RFX4: variants seen among roughly 807,000 people sequenced by gnomAD.
RFX4 encodes transcription factor RFX4.
Under a neutral mutation model 95.0 loss-of-function variants are expected in RFX4, and 10 were observed. The ratio of observed to expected loss-of-function variants is 0.11; its 90% CI spans 0.06 to 0.18. RFX4 has a LOEUF of 0.18. Ranked by LOEUF, RFX4 falls within the 10% of genes least tolerant of loss-of-function variation. The pLI is 1.00. For missense variants in RFX4, 640 were observed against 922.0 expected, an observed-to-expected ratio of 0.69 and a Z score of 3.96; for synonymous variants, 321 against 340.7, an observed-to-expected ratio of 0.94 and a Z score of 0.64.
intron 8 of RFX4, among the ~76,000 whole-genome samples, chr12:106,707,825 C>T (rs2042115192): frequency 6.6e-6 from 1 of 152,112 alleles, no homozygotes; most frequent in South Asian, 2.1e-4. Flanking sequence ...GTGAGACATT[C>T]TTAAATGCAT....
intron 16 of RFX4, among the ~76,000 whole-genome samples, chr12:106,750,060 T>C (rs1257197206): frequency 6.6e-6 from 1 of 152,180 alleles, no homozygotes; most frequent in Admixed American, 6.5e-5. Flanking sequence ...CAGGGCTAGA[T>C]TTCATCCCTG....
intron 11 of RFX4, among the ~76,000 whole-genome samples, chr12:106,717,983 C>T (rs1226775182): frequency 1.3e-5 from 2 of 152,218 alleles, no homozygotes; most frequent in African/African-American, 4.8e-5. Context: ...GTTACCATCA[C>T]CTCTGTGATA....
intron 8 of RFX4, among the ~76,000 whole-genome samples, chr12:106,704,845 G>A (rs187968299): frequency 2.2e-4 from 33 of 152,122 alleles, no homozygotes; most frequent in South Asian, 4.2e-4. Context: ...GTGTGTGCGC[G>A]TGTGTGTGTC....
chr12:106,590,811 G>A (rs570937704), intron 1 of RFX4, among the ~76,000 whole-genome samples: 3 of 152,208 alleles, frequency 2.0e-5, no homozygotes, highest in African/African-American at 7.2e-5. Flanking sequence ...GACGGACATG[G>A]TGGTGCATGC....
intron 4 of RFX4, among the ~76,000 whole-genome samples, chr12:106,667,586 T>G (rs2041202283): frequency 6.6e-6 from 1 of 152,142 alleles, no homozygotes. Context: ...CCTTCACAAC[T>G]TGTCAATTAC....
intron 4 of RFX4, among the ~76,000 whole-genome samples, chr12:106,661,481 C>T (rs560884613): frequency 1.3e-5 from 2 of 152,342 alleles, no homozygotes; most frequent in Non-Finnish European, 2.9e-5. Flanking sequence ...CAGCCTCCCC[C>T]ATTAACAACA....
chr12:106,602,175 G>A (rs2039725310), intron 1 of RFX4, among the ~76,000 whole-genome samples: 1 of 152,184 alleles, frequency 6.6e-6, no homozygotes, highest in African/African-American at 2.4e-5. Flanking sequence ...GCAAATCAAA[G>A]TTAGTCAAGT....
At chr12:106,621,791 T>A (rs755940626) in intron 2 of RFX4, among the ~76,000 whole-genome samples, 12 of 152,152 alleles carry the variant, frequency 7.9e-5, no homozygotes, top group Non-Finnish European at 1.5e-4. Flanking sequence ...AGTGTAGCAA[T>A]TTGGAAAGAT....
chr12:106,683,862 T>A (rs1283953433), intron 5 of RFX4: 1 of 152,188 alleles, frequency 6.6e-6, no homozygotes, highest in Non-Finnish European at 1.5e-5. Context: ...TTTTGTTTTG[T>A]TTGTTTTTCT....
intron 1 of RFX4, among the ~76,000 whole-genome samples, chr12:106,599,498 ATGATGATGAT>A (rs2039668921): frequency 6.6e-6 from 1 of 151,928 alleles, no homozygotes; most frequent in Non-Finnish European, 1.5e-5. Context: ...GATGATGATG[ATGATGATGAT>A]GAAGGTGATG....
At chr12:106,597,940 T>C (rs180964085) in intron 1 of RFX4, among the ~76,000 whole-genome samples, 27 of 152,270 alleles carry the variant, frequency 1.8e-4, no homozygotes, top group Non-Finnish European at 3.2e-4. Flanking sequence ...AAACAAACTA[T>C]TGGGATTACG....
chr12:106,598,614 T>G (rs1429945413), intron 1 of RFX4, among the ~76,000 whole-genome samples: 7 of 152,202 alleles, frequency 4.6e-5, no homozygotes, highest in Non-Finnish European at 1.0e-4. Flanking sequence ...GAAGGGTGTT[T>G]TGGTGGCTTA....
intron 2 of RFX4, among the ~76,000 whole-genome samples, chr12:106,625,906 T>C (rs2040287916): frequency 1.3e-5 from 2 of 152,234 alleles, no homozygotes; most frequent in Admixed American, 1.3e-4. Flanking sequence ...TCATAGCAAG[T>C]AAGTGGTAGA....
At chr12:106,603,432 G>A (rs2039754990) in intron 1 of RFX4, among the ~76,000 whole-genome samples, 1 of 152,212 alleles carries the variant, frequency 6.6e-6, no homozygotes, top group African/African-American at 2.4e-5. Context: ...GAGGCATAAA[G>A]ATCTTCCTCT....
In RFX4 at chr12:106,595,412, T is replaced by G. The variant is rs146344511; in HGVS notation, c.43+12049T>G. On this transcript the variant is annotated intron_variant, in intron 1 of 17. Transcript: ENST00000392842. ...CAGCTCACACTGCCATTCTTTGGAG[T>G]GTACTGTCGTGGGTGTCAGTGGGCG... Among the ~76,000 whole-genome samples the G allele has an allele frequency of 5.7e-3, 862 of 152,242 alleles. 4 individuals are homozygous for G. Among genetic ancestry groups the G allele is most frequent in the African/African-American group, 0.02 (837 of 41,534 alleles).
At position 106,732,998 on chromosome 12, in the gene RFX4, G is replaced by C. The variant is rs1174265360; in HGVS notation, c.1546G>C (p.Ala516Pro). The C allele has an allele frequency of 1.9e-6, 3 of 1,614,156 alleles. No homozygotes were observed. Among genetic ancestry groups the C allele is most frequent in the South Asian group, 1.1e-5 (1 of 91,078 alleles). ...TPSPVPSFSP[A>P]KSATSVEVPP... ...TTCACCAGTGCCATCGTTTTCTCCA[G>C]CAAAATCTGCCACATCTGTGGAAGT... Residue 516 changes from alanine to proline, a missense_variant, in exon 15 of 18, where the codon GCA becomes CCA. Physicochemically the swap from Ala to Pro is conservative, Grantham distance 27. Around this residue, in one of 7 missense-constraint regions of RFX4, gnomAD observed 300 missense variants for 346.8 expected, o/e 0.87. Coordinates refer to ENST00000392842, the MANE Select transcript of RFX4 (RefSeq NM_213594.3).
intron 3 of RFX4, among the ~76,000 whole-genome samples, chr12:106,640,578 C>T (rs577270244): frequency 2.0e-4 from 30 of 152,204 alleles, no homozygotes; most frequent in African/African-American, 7.0e-4. Flanking sequence ...ATCATTTGTT[C>T]CTATAGACTT....
At chr12:106,714,024 C>T (rs1446518270) in intron 10 of RFX4, among the ~76,000 whole-genome samples, 1 of 138,628 alleles carries the variant, frequency 7.2e-6, no homozygotes. Context: ...GAGCCAAGAT[C>T]GCCACTGCAT....
At chr12:106,630,403 C>T (rs147759154) in intron 2 of RFX4, among the ~76,000 whole-genome samples, 30 of 152,290 alleles carry the variant, frequency 2.0e-4, no homozygotes, top group African/African-American at 6.3e-4. Flanking sequence ...GGTGTGGGCC[C>T]CTCACAGCAA....
Sources: allele counts gnomAD v4.1 joint callset (sites outside exome capture counted in the v4.1 genomes callset), GRCh38; gene constraint gnomAD v4.1.1; regional missense constraint gnomAD v4.1.1; transcripts MANE v1.5; gene names NCBI Gene and HGNC (gene_info 2026-07-23, HGNC 2026-07-21).